Variants in SGCG observed in about 807,000 individuals in gnomAD.
The protein encoded by SGCG is sarcoglycan gamma.
SGCG carries 26 observed loss-of-function variants against 29.3 expected under a neutral mutation model. The ratio of observed to expected loss-of-function variants is 0.89; its 90% CI spans 0.65 to 1.23. The LOEUF is 1.23. SGCG is among the 50% of genes most tolerant of loss of function. The pLI, the probability that SGCG is intolerant of heterozygous loss-of-function variation, is 0.00. For missense variants in SGCG, 353 were observed against 356.0 expected, an observed-to-expected ratio of 0.99 and a Z score of 0.07; for synonymous variants, 145 against 129.7, an observed-to-expected ratio of 1.12 and a Z score of -0.80.
At chr13:23,167,166 C>T in the SGCG span, among the ~76,000 whole-genome samples, 2 of 152,086 alleles carry the variant, frequency 1.3e-5, no homozygotes, top group Admixed American at 1.3e-4. Context: ...CTTTTTGTGC[C>T]TGGCTTATTT....
chr13:23,169,677 C>T, the SGCG span, among the ~76,000 whole-genome samples: 8 of 141,716 alleles, frequency 5.6e-5, no homozygotes. Flanking sequence ...GACTCCATCT[C>T]TCTCTCTCTC....
rs904425681 is a variant in SGCG, at chr13:23,193,560, A to G, written c.1-10135A>G. On this transcript the variant is annotated intron_variant, in intron 1 of 7. Transcript: ENST00000218867. ...TTGTGATGGCACTCATGCTTCTGAG[A>G]TGATCAACTGGGAATGGCCGATGCC... 8.5e-5 allele frequency among the ~76,000 whole-genome samples: 13 copies of G among 152,274 alleles called. No homozygotes were observed. In the East Asian group the frequency reaches 2.5e-3, roughly 29 times the overall value.
At chr13:23,295,305 G>A in intron 5 of SGCG, 110 bp from the exon 6 acceptor site, 1 of 940,068 alleles carries the variant, frequency 1.1e-6, no homozygotes, top group South Asian at 1.3e-5. Flanking sequence ...CAAAAATTCT[G>A]CAAGAAAGAA....
At chr13:23,243,848 T>G (rs796249628) in intron 3 of SGCG, 7 of 152,316 alleles carry the variant, frequency 4.6e-5, no homozygotes, top group African/African-American at 1.7e-4. Flanking sequence ...ATGCTCAATT[T>G]AATTGATAAA....
chr13:23,194,840 A>G (rs1877423137), intron 1 of SGCG, among the ~76,000 whole-genome samples: 6 of 152,202 alleles, frequency 3.9e-5, no homozygotes, highest in Admixed American at 3.9e-4. Flanking sequence ...GTAGGTGCCC[A>G]CTATAACAGT....
At position 23,274,804 on chromosome 13, in the gene SGCG, G is replaced by A. The variant is rs74633768; in HGVS notation, c.386-4555G>A. On this transcript the variant is annotated intron_variant, in intron 4 of 7. Transcript: ENST00000218867. The stretch of plus-strand genomic sequence containing the variant: ...GGAAACTGATTACTATATAGCCAGC[G>A]TGGTCATCAGCCACCCAGAAGTCCA... 3.9e-4 allele frequency among the ~76,000 whole-genome samples: 59 copies of A among 152,072 alleles called. 1 individual carries two copies. In the Middle Eastern group the frequency reaches 0.01, roughly 26 times the overall value.
intron 6 of SGCG, among the ~76,000 whole-genome samples, chr13:23,313,118 A>G (rs1015370383): frequency 1.3e-5 from 2 of 151,700 alleles, no homozygotes; most frequent in African/African-American, 4.8e-5. Flanking sequence ...AGCCTGAAAA[A>G]GCTTTAAATT....
Position 23,295,454 on chromosome 13 carries a change from C to G in SGCG, c.545C>G (p.Pro182Arg). 1 of 1,613,934 alleles carries G rather than the reference C, an allele frequency of 6.2e-7. No individual in the cohort carries two copies. The highest frequency in any genetic ancestry group is 8.5e-7 in the Non-Finnish European group (1 of 1,179,910). ...CTTTTTGAACATTCAGTGGAGACAC[C>G]CCTTGTCAGAGCCGACCCGTTTCAA... is the stretch of plus-strand genomic sequence containing the variant. ...GALFEHSVET[P>R]LVRADPFQDL... The change falls in exon 6 of 8, where the codon CCC becomes CGC. Residue 182 changes from proline (P) to arginine (R), a missense_variant. By Grantham distance (103) the Pro-to-Arg change is moderately radical. Transcript: ENST00000218867.
In SGCG at chr13:23,218,669, G is replaced by C. The variant is rs1392766008; in HGVS notation, c.195+14780G>C. ...CTGCACACACTCAAATATAACTGCTGATTGAACAGAGATTGGACATGCCAT... is the reference window on the plus strand; with the variant it reads ...CTGCACACACTCAAATATAACTGCTCATTGAACAGAGATTGGACATGCCAT... On this transcript the variant is annotated intron_variant, in intron 2 of 7. Coordinates refer to ENST00000218867, the MANE Select transcript of SGCG (RefSeq NM_000231.3). Among the ~76,000 whole-genome samples the C allele has an allele frequency of 2.6e-5, 4 of 152,042 alleles. No individual in the cohort carries two copies. In the East Asian group the frequency reaches 7.7e-4, roughly 29 times the overall value.
intron 6 of SGCG, among the ~76,000 whole-genome samples, chr13:23,317,536 CT>C (rs140722526): frequency 6.6e-5 from 10 of 152,032 alleles, no homozygotes; most frequent in East Asian, 3.9e-4. Flanking sequence ...GTATTTTCTC[CT>C]TTTTTTTGCT....
chr13:23,214,965 G>A (rs532450066), intron 2 of SGCG, among the ~76,000 whole-genome samples: 1 of 152,270 alleles, frequency 6.6e-6, no homozygotes, highest in South Asian at 2.1e-4. Flanking sequence ...ATGGACATCA[G>A]TGATACAAAT....
chr13:23,192,812 A>G (rs1226080548), intron 1 of SGCG, among the ~76,000 whole-genome samples: 2 of 152,256 alleles, frequency 1.3e-5, no homozygotes, highest in Non-Finnish European at 2.9e-5. Context: ...TATTTGACCA[A>G]TACATTGTGG....
At chr13:23,186,741 A>G (rs501909) in intron 1 of SGCG, among the ~76,000 whole-genome samples, 118,522 of 152,088 alleles carry the variant, frequency 0.78, 46,969 homozygotes, top group East Asian at 0.93. Flanking sequence ...AAATACAGAA[A>G]GTGGCAAGAA....
chr13:23,195,715 G>C (rs10507328), intron 1 of SGCG, among the ~76,000 whole-genome samples: 2 of 151,674 alleles, frequency 1.3e-5, no homozygotes, highest in Admixed American at 1.3e-4. Flanking sequence ...ATTATTATTC[G>C]AGAATTATGC....
chr13:23,290,552 A>T (rs1449149394), intron 5 of SGCG, among the ~76,000 whole-genome samples: 1 of 152,202 alleles, frequency 6.6e-6, no homozygotes, highest in Non-Finnish European at 1.5e-5. Flanking sequence ...AGCATTTTTC[A>T]TTGGAGTAAT....
chr13:23,286,390 G>T (rs867738321), intron 5 of SGCG, among the ~76,000 whole-genome samples: 1 of 152,196 alleles, frequency 6.6e-6, no homozygotes, highest in East Asian at 1.9e-4. Flanking sequence ...AGCAACTAAA[G>T]AAGTGAAAAT....
chr13:23,300,809 T>TA (rs58050317), intron 6 of SGCG, among the ~76,000 whole-genome samples: 7,627 of 122,160 alleles, frequency 0.062, 280 homozygotes, highest in Non-Finnish European at 0.079. Context: ...ACTAGTTTAC[T>TA]AAAAAAAAAA....
intron 3 of SGCG, chr13:23,244,858 C>A (rs1432242151): frequency 2.6e-5 from 4 of 152,134 alleles, no homozygotes; most frequent in African/African-American, 9.7e-5. Flanking sequence ...CCTGAGGCGC[C>A]GGAGTGGCGT....
chr13:23,292,088 C>A (rs989445232), intron 5 of SGCG, among the ~76,000 whole-genome samples: 7 of 151,414 alleles, frequency 4.6e-5, no homozygotes, highest in African/African-American at 1.5e-4. Flanking sequence ...GCCAATGAGC[C>A]TTCTTTCAAA....
Sources: gnomAD v4.1 joint callset for allele counts (sites outside exome capture counted in the v4.1 genomes callset) on GRCh38, gnomAD v4.1.1 for gene constraint, MANE v1.5 for transcripts, NCBI Gene and HGNC (gene_info 2026-07-23, HGNC 2026-07-21) for gene names.